Variants in LRP6 observed in about 807,000 individuals in gnomAD.
LRP6 encodes the protein low-density lipoprotein receptor-related protein 6.
A neutral mutation model predicts 184.1 loss-of-function variants in LRP6; 43 were observed. The ratio of observed to expected loss-of-function variants is 0.23; its 90% CI spans 0.18 to 0.30. The LOEUF (loss-of-function observed/expected upper bound fraction) is 0.30. Among genes scored for constraint, LRP6 ranks in the 10% least tolerant of loss-of-function variants. The pLI is 1.00. For synonymous variants in LRP6, 719 were observed against 684.9 expected (o/e 1.05, Z -0.78); for missense variants, 1,571 against 2,005.3 (o/e 0.78, Z 4.14).
intron 10 of LRP6, among the ~76,000 whole-genome samples, chr12:12,161,090 C>T (rs951040774): frequency 6.6e-6 from 1 of 152,198 alleles, no homozygotes; most frequent in African/African-American, 2.4e-5. Context: ...CCAGCAGCAA[C>T]CAATTAGTCC....
At position 12,119,109 on chromosome 12, in the gene LRP6, C is replaced by G. The variant is rs1358253657; in HGVS notation, c.*2017G>C. On this transcript the variant is annotated 3_prime_UTR_variant, in exon 23 of 23. Transcript: ENST00000261349. ...AGCAATGGGAAGAGTTCATGCTTGT[C>G]TGTTTTAGGATTCTGATAGATTTAC... 1 of 152,194 alleles carries G rather than the reference C, an allele frequency of 6.6e-6. No individual in the cohort carries two copies. Among genetic ancestry groups the G allele is most frequent in the Non-Finnish European group, 1.5e-5 (1 of 68,042 alleles). 9.4% of individuals were successfully genotyped at this position (152,194 alleles called of 1,614,324 possible). A position where few individuals can be genotyped will look rare whatever the true frequency, so the allele number is the denominator to read the frequency against.
intron 3 of LRP6, among the ~76,000 whole-genome samples, chr12:12,190,652 T>C (rs1375212141): frequency 6.6e-6 from 1 of 152,180 alleles, no homozygotes. Context: ...TTAGTTTTTG[T>C]TTCTGGACCT....
chr12:12,264,130 G>A (rs986764123), intron 1 of LRP6, among the ~76,000 whole-genome samples: 6 of 151,076 alleles, frequency 4.0e-5, no homozygotes. Flanking sequence ...GATGAAGCAA[G>A]ACTTTGTCTC....
chr12:12,233,975 T>C lies in LRP6; in HGVS notation c.449+10287A>G, dbSNP rs370671459. ...AACAATGAGGAAGATCTCTATGAAA[T>C]GATATGGAATGACATTCAAAATGTT... On this transcript the variant is annotated intron_variant, in intron 2 of 22. Transcript: ENST00000261349. 6.6e-5 allele frequency among the ~76,000 whole-genome samples: 10 copies of C among 152,044 alleles called. No individual in the cohort carries two copies. In the East Asian group the frequency reaches 1.7e-3, roughly 26 times the overall value.
chr12:12,215,180 C>A (rs1030209094), intron 2 of LRP6, among the ~76,000 whole-genome samples: 2 of 152,078 alleles, frequency 1.3e-5, no homozygotes, highest in Non-Finnish European at 2.9e-5. Context: ...CAGTTTCTGA[C>A]ATCCTTACAA....
At chr12:12,192,052 TAACC>T (rs1315739797) in intron 3 of LRP6, among the ~76,000 whole-genome samples, 1 of 152,080 alleles carries the variant, frequency 6.6e-6, no homozygotes, top group Admixed American at 6.5e-5. Context: ...CTTTTTCCTT[TAACC>T]TTTTTAACAG....
At chr12:12,175,604 G>A (rs893642405) in intron 7 of LRP6, among the ~76,000 whole-genome samples, 4 of 148,842 alleles carry the variant, frequency 2.7e-5, no homozygotes, top group East Asian at 2.0e-4. Flanking sequence ...GGAAAATTGC[G>A]TGAACCCAGG....
intron 10 of LRP6, among the ~76,000 whole-genome samples, chr12:12,161,242 A>C (rs1390954440): frequency 6.6e-6 from 1 of 152,208 alleles, no homozygotes; most frequent in Non-Finnish European, 1.5e-5. Context: ...AAATACAGTA[A>C]ACATATTTAT....
chr12:12,130,483 G>A (rs1949735764), intron 19 of LRP6, among the ~76,000 whole-genome samples: 1 of 152,152 alleles, frequency 6.6e-6, no homozygotes, highest in Non-Finnish European at 1.5e-5. Flanking sequence ...ACCACGCCCG[G>A]CTGATTTCTA....
chr12:12,124,072 T>TAA (rs35441977), intron 22 of LRP6, among the ~76,000 whole-genome samples: 41 of 143,808 alleles, frequency 2.9e-4, no homozygotes, highest in South Asian at 1.1e-3. Flanking sequence ...GTGACTCTCT[T>TAA]AAAAAAAAAA....
At chr12:12,130,601 A>C (rs1949737897) in intron 19 of LRP6, among the ~76,000 whole-genome samples, 182 bp downstream of exon 19, 1 of 152,252 alleles carries the variant, frequency 6.6e-6, no homozygotes, top group Non-Finnish European at 1.5e-5. Context: ...GTGCATAAGA[A>C]AACTGCTATG....
intron 2 of LRP6, among the ~76,000 whole-genome samples, chr12:12,209,819 T>C (rs1177125043): frequency 1.3e-5 from 2 of 152,158 alleles, no homozygotes; most frequent in Non-Finnish European, 2.9e-5. Flanking sequence ...ACTATTGCCC[T>C]TACGAAATTC....
In LRP6 at chr12:12,231,024, T is replaced by C. The variant is rs910092639; in HGVS notation, c.449+13238A>G. On this transcript the variant is annotated intron_variant, in intron 2 of 22. Coordinates refer to ENST00000261349, the MANE Select transcript of LRP6 (RefSeq NM_002336.3). ...GGTAAAACCCCGTCTCTACTAAAAA[T>C]ACAAAAATTAGCCGGGTGTGATGGC... is the stretch of plus-strand genomic sequence containing the variant. 1.8e-4 allele frequency among the ~76,000 whole-genome samples: 28 copies of C among 151,372 alleles called. 1 individual carries two copies. The highest frequency in any genetic ancestry group is 6.8e-4 in the African/African-American group (28 of 41,278).
In LRP6 at chr12:12,177,137, C is replaced by T. The variant is rs145636008; in HGVS notation, c.1545+2673G>A. ...CTGGGATTACAGGTGTGAGCCACCG[C>T]GCCCGGCCAACCAAACAGACTCTTA... On this transcript the variant is annotated intron_variant, in intron 7 of 22. Transcript: ENST00000261349. Among the ~76,000 whole-genome samples, 639 of 152,168 alleles carry T rather than the reference C, an allele frequency of 4.2e-3. 4 individuals are homozygous for T. The highest frequency in any genetic ancestry group is 0.014 in the African/African-American group (578 of 41,518).
intron 19 of LRP6, among the ~76,000 whole-genome samples, chr12:12,129,458 C>T (rs975028554): frequency 2.6e-5 from 4 of 152,210 alleles, no homozygotes; most frequent in African/African-American, 9.7e-5. Flanking sequence ...CTGTTTCACT[C>T]TTTTCTGCTT....
intron 1 of LRP6, among the ~76,000 whole-genome samples, chr12:12,258,083 T>C (rs1367590247): frequency 6.6e-6 from 1 of 152,208 alleles, no homozygotes; most frequent in Non-Finnish European, 1.5e-5. Context: ...GCTGATTTTT[T>C]AGTAGTCTAT....
At chr12:12,188,310 G>A (rs891879841) in intron 3 of LRP6, among the ~76,000 whole-genome samples, 1 of 151,772 alleles carries the variant, frequency 6.6e-6, no homozygotes, top group Admixed American at 6.6e-5. Context: ...TACATGTTTT[G>A]ATATTTTCAT....
intron 15 of LRP6, among the ~76,000 whole-genome samples, chr12:12,139,496 G>A (rs1403139717): frequency 2.6e-5 from 4 of 152,208 alleles, no homozygotes; most frequent in Non-Finnish European, 5.9e-5. Context: ...GGCTGAGGCA[G>A]GAGGATCACG....
At chr12:12,156,594 G>A (rs930482402) in intron 12 of LRP6, among the ~76,000 whole-genome samples, 9 of 152,152 alleles carry the variant, frequency 5.9e-5, no homozygotes, top group South Asian at 2.1e-4. Context: ...TTCCATTCAC[G>A]TTTTAATGTA....
Sources: allele counts gnomAD v4.1 joint callset (sites outside exome capture counted in the v4.1 genomes callset), GRCh38; gene constraint gnomAD v4.1.1; transcripts MANE v1.5; gene names NCBI Gene and HGNC (gene_info 2026-07-23, HGNC 2026-07-21).